SEPTIN5: variants seen among roughly 807,000 people sequenced by gnomAD.
The protein encoded by SEPTIN5 is septin 5, also known as septin-5.
SEPTIN5 carries 16 observed loss-of-function variants against 51.2 expected under a neutral mutation model. The observed-to-expected ratio is 0.31, with a 90% CI of 0.21 to 0.47. The LOEUF (loss-of-function observed/expected upper bound fraction) is 0.47. Among genes scored for constraint, SEPTIN5 ranks in the 20% least tolerant of loss-of-function variants. The probability of loss-of-function intolerance (pLI) is 0.99; values close to 1 mark genes in which losing one functional copy is unlikely to be tolerated. For synonymous variants in SEPTIN5, 208 were observed against 191.2 expected, an observed-to-expected ratio of 1.09 and a Z score of -0.72; for missense variants, 376 against 500.3, an observed-to-expected ratio of 0.75 and a Z score of 2.37.
In SEPTIN5 at chr22:19,721,729, C is replaced by T. The variant is rs1936037952; in HGVS notation, c.807C>T (p.Ile269=). ...GGGGCCGACTGTACCCCTGGGGGATCGTGGAGGGTGAGTAGAGTCTTGGGG... is the reference window on the plus strand; with the variant it reads ...GGGGCCGACTGTACCCCTGGGGGATTGTGGAGGGTGAGTAGAGTCTTGGGG... ...RVRGRLYPWG[I]VEVENQAHCD... Residue 269 remains isoleucine (I), a synonymous_variant, in exon 9 of 12, where the codon ATC becomes ATT. Coordinates refer to ENST00000455784, the MANE Select transcript of SEPTIN5 (RefSeq NM_002688.6). 6.2e-7 allele frequency: 1 copy of T among 1,608,250 alleles called. No individual in the cohort carries two copies. The highest frequency in any genetic ancestry group is 8.5e-7 in the Non-Finnish European group (1 of 1,176,836).
In SEPTIN5 at chr22:19,722,514, G is replaced by T; in HGVS notation, c.*30G>T. On this transcript the variant is annotated 3_prime_UTR_variant, in exon 12 of 12. Transcript: ENST00000455784. The stretch of plus-strand genomic sequence containing the variant: ...CGCCGCGGACACACCGTCCGTCTCC[G>T]GGACGCCCTCGCACCCCTGGACACC... 1.3e-6 allele frequency: 2 copies of T among 1,570,800 alleles called. No individual in the cohort carries two copies. Among genetic ancestry groups the T allele is most frequent in the East Asian group, 2.4e-5 (1 of 41,936 alleles).
At position 19,721,633 on chromosome 22, in the gene SEPTIN5, C is replaced by T. The variant is rs1320621856; in HGVS notation, c.718-7C>T. Reference sequence around the variant, plus strand: ...CGGGTGTGAGCCTTTCTCCCTCCTTCCCCCAGGAGAGCGCGCCCTTCGCCG... The same window carrying T: ...CGGGTGTGAGCCTTTCTCCCTCCTTTCCCCAGGAGAGCGCGCCCTTCGCCG... On this transcript the variant is annotated splice_polypyrimidine_tract_variant and splice_region_variant and intron_variant, in intron 8 of 11. Coordinates refer to ENST00000455784, the MANE Select transcript of SEPTIN5 (RefSeq NM_002688.6). The T allele has an allele frequency of 3.7e-6, 6 of 1,612,496 alleles. No individual in the cohort carries two copies. The Admixed American group carries it at 8.3e-5, about 22-fold the overall frequency.
intron 10 of SEPTIN5, 89 bp from the exon 11 acceptor site, chr22:19,722,148 G>A (rs543449672): frequency 3.3e-6 from 4 of 1,219,312 alleles, no homozygotes; most frequent in South Asian, 1.5e-5. Context: ...CAGGGCCTCA[G>A]CAGTGGCGGG....
intron 2 of SEPTIN5, among the ~76,000 whole-genome samples, chr22:19,715,041 G>A (rs927599907): frequency 6.6e-6 from 1 of 152,250 alleles, no homozygotes; most frequent in African/African-American, 2.4e-5. Flanking sequence ...GATGGGCAGA[G>A]TGTCCCCCTC....
rs964856844 is a variant in SEPTIN5, at chr22:19,717,626, C to T, written c.55-1976C>T. ...CCAAGTTTTGCAGGGACCTCCAGTACTCCGGCAGCCTGCACCCTTCCTTTC... is the reference window on the plus strand; with the variant it reads ...CCAAGTTTTGCAGGGACCTCCAGTATTCCGGCAGCCTGCACCCTTCCTTTC... On this transcript the variant is annotated intron_variant, in intron 2 of 11. Transcript: ENST00000455784. The T allele has an allele frequency of 3.6e-5, 11 of 304,342 alleles. No individual in the cohort carries two copies. In the Admixed American group the frequency reaches 5.2e-4, roughly 14 times the overall value. The allele number at this position is 304,342 out of a possible 1,614,324, so 18.9% of individuals were successfully genotyped here.
intron 2 of SEPTIN5, 134 bp from the exon 3 acceptor site, chr22:19,719,468 A>T: frequency 1.4e-6 from 1 of 701,586 alleles, no homozygotes; most frequent in Non-Finnish European, 2.3e-6. Context: ...CCCTCCCCTT[A>T]TTTTTGCCAA....
chr22:19,715,422 G>C (rs1935898619), intron 2 of SEPTIN5, among the ~76,000 whole-genome samples: 2 of 152,220 alleles, frequency 1.3e-5, no homozygotes, highest in Admixed American at 1.3e-4. Flanking sequence ...CTCCAGGAAA[G>C]CAAGACTGGA....
intron 2 of SEPTIN5, chr22:19,718,426 G>A: frequency 9.4e-7 from 1 of 1,069,348 alleles, no homozygotes; most frequent in Non-Finnish European, 1.1e-6. Flanking sequence ...CCCCCGCCGC[G>A]CGCTCCGCGG....
In SEPTIN5 at chr22:19,723,112, GCCACCT is replaced by G; in HGVS notation, c.*631_*636del. On this transcript the variant is annotated 3_prime_UTR_variant, in exon 12 of 12. Coordinates refer to ENST00000455784, the MANE Select transcript of SEPTIN5 (RefSeq NM_002688.6). ...GGGCCCCCGGGGCACTGGGCGGTGA[GCCACCT>G]CCTGGCAACTCTCGGTGCCGTCCCC... 1 of 542,270 alleles carries G rather than the reference GCCACCT, an allele frequency of 1.8e-6. No homozygotes were observed. Among genetic ancestry groups the G allele is most frequent in the Admixed American group, 2.2e-5 (1 of 45,072 alleles). 33.6% of individuals were successfully genotyped at this position (542,270 alleles called of 1,614,324 possible). A position where few individuals can be genotyped will look rare whatever the true frequency, so the allele number is the denominator to read the frequency against.
Position 19,714,544 on chromosome 22 carries a change from CCCCGCCCGCGAG to C in SEPTIN5, c.-37_-26del. 1 of 1,325,236 alleles carries C rather than the reference CCCCGCCCGCGAG, an allele frequency of 7.5e-7. No homozygotes were observed. The highest frequency in any genetic ancestry group is 3.7e-5 in the Admixed American group (1 of 27,294). 82.1% of individuals were successfully genotyped at this position (1,325,236 alleles called of 1,614,324 possible). A position where few individuals can be genotyped will look rare whatever the true frequency, so the allele number is the denominator to read the frequency against. On this transcript the variant is annotated 5_prime_UTR_variant, in exon 1 of 12. Coordinates refer to ENST00000455784, the MANE Select transcript of SEPTIN5 (RefSeq NM_002688.6). The surrounding 1 kb of genome is among the most constrained non-coding windows in gnomAD (Gnocchi z 5.2). ...TCGGCCTCCGCCGCTTGTCGTCGCGCCCCGCCCGCGAGCCCGCCCCGCACGTCCCCCGCCGGC... is the reference window on the plus strand; with the variant it reads ...TCGGCCTCCGCCGCTTGTCGTCGCGCCCCGCCCCGCACGTCCCCCGCCGGC...
chr22:19,719,784 C>A (rs373332157), intron 3 of SEPTIN5, 22 bp from the exon 4 acceptor site: 1 of 1,612,716 alleles, frequency 6.2e-7, no homozygotes, highest in East Asian at 2.2e-5. Context: ...TAACGCAGCT[C>A]CTTCTCTGTA....
chr22:19,722,142 G>A (rs1601245358), intron 10 of SEPTIN5, 95 bp from the exon 11 acceptor site: 1 of 1,213,472 alleles, frequency 8.2e-7, no homozygotes, highest in South Asian at 1.5e-5. Flanking sequence ...GGAGGGCAGG[G>A]CCTCAGCAGT....
At position 19,714,507 on chromosome 22, in the gene SEPTIN5, C is replaced by A. The variant is rs997395355; in HGVS notation, c.-82C>A. On this transcript the variant is annotated 5_prime_UTR_variant, in exon 1 of 12. Transcript: ENST00000455784. This position sits in a 1 kb window ranked among gnomAD's most constrained non-coding sequence, Gnocchi z 5.2. ...GGCGGCGCGGAGGGGCCGCTCACCC[C>A]GCAGCCCGGCCTCGGCCTCCGCCGC... 5 of 969,546 alleles carry A rather than the reference C, an allele frequency of 5.2e-6. No individual in the cohort carries two copies. Among genetic ancestry groups the A allele is most frequent in the Non-Finnish European group, 5.2e-6 (4 of 768,568 alleles). The allele number at this position is 969,546 out of a possible 1,614,324, so 60.1% of individuals were successfully genotyped here. A position where few individuals can be genotyped will look rare whatever the true frequency, so the allele number is the denominator to read the frequency against.
chr22:19,722,486 G>A lies in SEPTIN5; in HGVS notation c.*2G>A, dbSNP rs780784693. On this transcript the variant is annotated 3_prime_UTR_variant, in exon 12 of 12. Coordinates refer to ENST00000455784, the MANE Select transcript of SEPTIN5 (RefSeq NM_002688.6). ...AAGCAGCAGATGCAGGACCAGTGAC[G>A]CTCGCCGCGGACACACCGTCCGTCT... The A allele has an allele frequency of 5.7e-6, 9 of 1,591,932 alleles. No individual in the cohort carries two copies. The South Asian group carries it at 7.9e-5, about 14-fold the overall frequency.
At chr22:19,719,335 C>T (rs970776392) in intron 2 of SEPTIN5, 1 of 425,264 alleles carries the variant, frequency 2.4e-6, no homozygotes. Flanking sequence ...TGCGGCCTGA[C>T]ATCTCCCCAC....
intron 2 of SEPTIN5, chr22:19,718,711 GC>G (rs1568995768): frequency 8.0e-7 from 1 of 1,255,712 alleles, no homozygotes; most frequent in Non-Finnish European, 1.0e-6. Context: ...GTCCGAGCGT[GC>G]CCCCGGGCCT....
chr22:19,721,742 T>G lies in SEPTIN5; in HGVS notation c.814+6T>G. On this transcript the variant is annotated splice_donor_region_variant and intron_variant, in intron 9 of 11. Transcript: ENST00000455784. ...CCCCTGGGGGATCGTGGAGGGTGAG[T>G]AGAGTCTTGGGGTACCAGGTCTGGT... The G allele has an allele frequency of 6.2e-7, 1 of 1,604,920 alleles. No homozygotes were observed. The highest frequency in any genetic ancestry group is 8.5e-7 in the Non-Finnish European group (1 of 1,174,484).
intron 2 of SEPTIN5, chr22:19,717,098 C>G (rs1935921326): frequency 6.0e-6 from 2 of 335,934 alleles, no homozygotes; most frequent in Non-Finnish European, 1.2e-5. Flanking sequence ...TGCCAGTGGT[C>G]CAGGCCCCAC....
In SEPTIN5 at chr22:19,721,905, T is replaced by C; in HGVS notation, c.898T>C (p.Cys300Arg). 6.2e-7 allele frequency: 1 copy of C among 1,611,976 alleles called. No homozygotes were observed. The highest frequency in any genetic ancestry group is 8.5e-7 in the Non-Finnish European group (1 of 1,179,524). Residue 300 changes from cysteine to arginine, a missense_variant, in exon 10 of 12, where the codon TGC (cysteine) becomes CGC (arginine). This residue lies in a region of SEPTIN5 where 287 missense variants were observed against 417.1 expected (regional missense o/e 0.69). Transcript: ENST00000455784. ...TATGCACGACCTCAAGGACGTGACG[T>C]GCGACGTGCACTACGAGAACTACCG... The part of the protein sequence containing the change: ...THMHDLKDVT[C>R]DVHYENYRAH...
Sources: gnomAD v4.1 joint callset for allele counts (sites outside exome capture counted in the v4.1 genomes callset) on GRCh38, gnomAD v4.1.1 for gene constraint, gnomAD v4.1.1 regional missense constraint, Gnocchi (gnomAD v3.1) non-coding constraint, MANE v1.5 for transcripts, NCBI Gene and HGNC (gene_info 2026-07-23, HGNC 2026-07-21) for gene names.